Variants in CIMIP2C observed in about 807,000 individuals in gnomAD.
The protein encoded by CIMIP2C is ciliary microtubule inner protein 2C, also known as UPF0573 protein C2orf70.
chr2:26,575,319 C>G, the CIMIP2C span, among the ~76,000 whole-genome samples: 1 of 152,248 alleles, frequency 6.6e-6, no homozygotes, highest in Admixed American at 6.5e-5. Context: ...TGTTCACTGA[C>G]CGGGCCCCCC....
chr2:26,569,362 A>G, the CIMIP2C span, among the ~76,000 whole-genome samples: 1 of 152,200 alleles, frequency 6.6e-6, no homozygotes, highest in African/African-American at 2.4e-5. Context: ...GCATTCTCAC[A>G]GAGGCCCTGG....
chr2:26,577,492 AT>A, the CIMIP2C span: 9 of 1,603,856 alleles, frequency 5.6e-6, no homozygotes, highest in Non-Finnish European at 7.7e-6. Flanking sequence ...ACAACCTGTC[AT>A]CTCTTCCTTG....
the CIMIP2C span, among the ~76,000 whole-genome samples, chr2:26,577,219 C>T: frequency 2.7e-3 from 415 of 152,292 alleles, 2 homozygotes; most frequent in African/African-American, 9.6e-3. Context: ...CGTACGCCTG[C>T]GGGGCTGGGT....
the CIMIP2C span, among the ~76,000 whole-genome samples, chr2:26,569,525 C>A: frequency 6.6e-6 from 1 of 152,056 alleles, no homozygotes; most frequent in Non-Finnish European, 1.5e-5. Context: ...TGTGGACATG[C>A]CGAATAGTCG....
At chr2:26,572,097 C>T in the CIMIP2C span, 15 of 1,542,158 alleles carry the variant, frequency 9.7e-6, no homozygotes, top group East Asian at 7.4e-5. Context: ...TTTTTTCTAA[C>T]GATGTGTTTC....
chr2:26,577,747 A>G, the CIMIP2C span: 10 of 730,754 alleles, frequency 1.4e-5, no homozygotes, highest in Non-Finnish European at 9.2e-6. Flanking sequence ...TTGCCCTAAA[A>G]CGTGCAGTGC....
At chr2:26,566,353 T>C in the CIMIP2C span, among the ~76,000 whole-genome samples, 1 of 152,182 alleles carries the variant, frequency 6.6e-6, no homozygotes, top group African/African-American at 2.4e-5. Context: ...TGCGTTCCAC[T>C]CCATTGTCAG....
chr2:26,568,116 G>A, the CIMIP2C span, among the ~76,000 whole-genome samples: 1 of 152,330 alleles, frequency 6.6e-6, no homozygotes, highest in African/African-American at 2.4e-5. Context: ...CCAGCTGAGG[G>A]AAAAGATCAT....
At chr2:26,562,703 G>A in the CIMIP2C span, 5 of 1,556,288 alleles carry the variant, frequency 3.2e-6, no homozygotes, top group Non-Finnish European at 3.5e-6. Context: ...CCGAGGGAGC[G>A]CCTCCTCCCC....
chr2:26,563,392 T>C, the CIMIP2C span, among the ~76,000 whole-genome samples: 341 of 152,330 alleles, frequency 2.2e-3, no homozygotes, highest in African/African-American at 7.8e-3. Context: ...CCATCTAACA[T>C]GCAAGTCTGG....
At chr2:26,571,976 AT>A in the CIMIP2C span, 245,131 of 763,534 alleles carry the variant, frequency 0.32, 42,339 homozygotes, top group East Asian at 0.51. Context: ...GAATAAGTAG[AT>A]TTGAGATAAG....
At chr2:26,577,856 G>A in the CIMIP2C span, 6 of 492,520 alleles carry the variant, frequency 1.2e-5, no homozygotes, top group East Asian at 1.5e-4. Flanking sequence ...TGCTTTCCCG[G>A]CCAGATGCAC....
the CIMIP2C span, among the ~76,000 whole-genome samples, chr2:26,566,469 A>G: frequency 9.8e-4 from 149 of 152,348 alleles, no homozygotes; most frequent in African/African-American, 3.5e-3. Context: ...AGTTCTCTGG[A>G]GCAAAAATGC....
At chr2:26,569,409 G>A in the CIMIP2C span, among the ~76,000 whole-genome samples, 1 of 152,200 alleles carries the variant, frequency 6.6e-6, no homozygotes, top group East Asian at 1.9e-4. Context: ...CTTGTGCTTG[G>A]TGTCACAGGC....
At chr2:26,562,863 C>T in the CIMIP2C span, among the ~76,000 whole-genome samples, 2 of 152,220 alleles carry the variant, frequency 1.3e-5, no homozygotes, top group African/African-American at 4.8e-5. Flanking sequence ...AGGAAGTGGG[C>T]AGGCACGGGC....
At chr2:26,572,056 C>A in the CIMIP2C span, 1 of 1,514,826 alleles carries the variant, frequency 6.6e-7, no homozygotes, top group South Asian at 1.3e-5. Context: ...AGGATAAAAA[C>A]CATCAAAGGA....
chr2:26,576,704 C>T, the CIMIP2C span, among the ~76,000 whole-genome samples: 1 of 152,178 alleles, frequency 6.6e-6, no homozygotes, highest in East Asian at 1.9e-4. Flanking sequence ...GAGTCACTCT[C>T]AGCCCCAGCC....
the CIMIP2C span, among the ~76,000 whole-genome samples, chr2:26,569,152 G>A: frequency 1.3e-5 from 2 of 152,122 alleles, no homozygotes; most frequent in Admixed American, 6.6e-5. Flanking sequence ...ATGGGAAAGA[G>A]GGCATTCAAG....
At chr2:26,571,984 TAA>T in the CIMIP2C span, 24 of 830,288 alleles carry the variant, frequency 2.9e-5, no homozygotes, top group South Asian at 6.5e-4. Context: ...AGATTTGAGA[TAA>T]GTGTTAATTC....
Sources: gnomAD v4.1 joint callset for allele counts (sites outside exome capture counted in the v4.1 genomes callset) on GRCh38, gnomAD v4.1.1 for gene constraint, MANE v1.5 for transcripts, NCBI Gene and HGNC (gene_info 2026-07-23, HGNC 2026-07-21) for gene names.